The following ROBO1 variants were observed in gnomAD, a reference collection of about 807,000 sequenced individuals.
The protein encoded by ROBO1 is roundabout guidance receptor 1.
ROBO1 carries 149 observed loss-of-function variants against 195.9 expected under a neutral mutation model. The observed-to-expected ratio is 0.76, with a 90% CI of 0.67 to 0.87. ROBO1 has a LOEUF of 0.87. ROBO1 is among the 40% of genes least tolerant of loss of function. The pLI is 0.00. For missense variants in ROBO1, 1,933 were observed against 2,068.3 expected, an observed-to-expected ratio of 0.93 and a Z score of 1.27; for synonymous variants, 816 against 733.2, an observed-to-expected ratio of 1.11 and a Z score of -1.82.
intron 4 of ROBO1, among the ~76,000 whole-genome samples, chr3:78,821,161 A>ATTTTTT (rs71631622): frequency 1.6e-5 from 2 of 122,202 alleles, no homozygotes; most frequent in Non-Finnish European, 3.4e-5. Flanking sequence ...TATGATACTG[A>ATTTTTT]TTTTTTTTTT....
intron 8 of ROBO1, among the ~76,000 whole-genome samples, chr3:78,700,999 G>T (rs1370088554): frequency 6.6e-6 from 1 of 152,036 alleles, no homozygotes; most frequent in Non-Finnish European, 1.5e-5. Flanking sequence ...GGTAACCTCG[G>T]GTGATCCACC....
chr3:79,585,143 A>C (rs1431077769), intron 2 of ROBO1, among the ~76,000 whole-genome samples: 3 of 150,724 alleles, frequency 2.0e-5, no homozygotes, highest in Non-Finnish European at 4.4e-5. Context: ...AAAGGGGCCC[A>C]TAAAGGCAAA....
chr3:78,829,999 A>G (rs1222776879), intron 4 of ROBO1, among the ~76,000 whole-genome samples: 5 of 152,190 alleles, frequency 3.3e-5, no homozygotes, highest in African/African-American at 1.2e-4. Context: ...CCCAATTTAT[A>G]TAGCCGTAAT....
Position 79,317,636 on chromosome 3 carries a change from C to T in ROBO1, c.89-192097G>A, listed in dbSNP as rs150040797. On this transcript the variant is annotated intron_variant, in intron 2 of 30. Coordinates refer to ENST00000464233, the MANE Select transcript of ROBO1 (RefSeq NM_002941.4). ...TTACCGTGTATCTTGATTATAACGT[C>T]TAATGTTAGCTGGACCTAGATCATA... Among the ~76,000 whole-genome samples the T allele has an allele frequency of 3.5e-4, 53 of 152,196 alleles. No homozygotes were observed. The East Asian group carries it at 4.2e-3, about 12-fold the overall frequency.
At chr3:79,002,881 C>G (rs1036574348) in intron 3 of ROBO1, among the ~76,000 whole-genome samples, 1 of 152,154 alleles carries the variant, frequency 6.6e-6, no homozygotes, top group Middle Eastern at 3.4e-3. Flanking sequence ...CACTGTATTG[C>G]TCCAGGACTC....
intron 9 of ROBO1, among the ~76,000 whole-genome samples, chr3:78,686,672 C>A (rs571018306): frequency 6.6e-6 from 1 of 151,860 alleles, no homozygotes; most frequent in Non-Finnish European, 1.5e-5. Flanking sequence ...AATATTAAGA[C>A]CTTTAATATA....
chr3:78,814,305 T>C (rs961976183), intron 4 of ROBO1, among the ~76,000 whole-genome samples: 4 of 152,092 alleles, frequency 2.6e-5, no homozygotes, highest in African/African-American at 9.6e-5. Flanking sequence ...GAAATTAATT[T>C]TATATATTTT....
chr3:79,383,642 A>C (rs2036643280), intron 2 of ROBO1, among the ~76,000 whole-genome samples: 1 of 152,114 alleles, frequency 6.6e-6, no homozygotes, highest in Admixed American at 6.6e-5. Flanking sequence ...CCCAGAAAGT[A>C]ACGTTTTTTA....
At chr3:79,087,884 T>C (rs1349301118) in intron 3 of ROBO1, among the ~76,000 whole-genome samples, 1 of 152,132 alleles carries the variant, frequency 6.6e-6, no homozygotes, top group Non-Finnish European at 1.5e-5. Flanking sequence ...GAAACACGTC[T>C]TTCTAAAGAC....
intron 2 of ROBO1, among the ~76,000 whole-genome samples, chr3:79,378,804 G>A (rs1252097101): frequency 1.3e-5 from 2 of 152,148 alleles, no homozygotes; most frequent in Non-Finnish European, 2.9e-5. Flanking sequence ...ACATCATATA[G>A]CATGATGCTT....
rs114208448 is a variant in ROBO1, at chr3:78,877,248, G to T, written c.499+61353C>A. ...AATAAATGAAAAAGAACATAGAAAA[G>T]AAATTATTGTGGAGCATTTTAAGAC... On this transcript the variant is annotated intron_variant, in intron 4 of 30. Transcript: ENST00000464233. Among the ~76,000 whole-genome samples, 1,278 of 152,136 alleles carry T rather than the reference G, an allele frequency of 8.4e-3. 17 individuals are homozygous for T. The highest frequency in any genetic ancestry group is 0.029 in the African/African-American group (1,210 of 41,508).
At position 79,125,307 on chromosome 3, in the gene ROBO1, T is replaced by C. The variant is rs1014114144; in HGVS notation, c.172+149A>G. The C allele has an allele frequency of 1.0e-5, 7 of 669,108 alleles. 1 individual carries two copies. Among genetic ancestry groups the C allele is most frequent in the South Asian group, 8.9e-5 (5 of 56,286 alleles). The allele number at this position is 669,108 out of a possible 1,614,324, so 41.4% of individuals were successfully genotyped here. A position where few individuals can be genotyped will look rare whatever the true frequency, so the allele number is the denominator to read the frequency against. On this transcript the variant is annotated intron_variant, in intron 3 of 30. Transcript: ENST00000464233. Reference sequence around the variant, plus strand: ...TGTTTACTTTAGCAATATGATCTGATATGAACAGAATGAAGTTTGAAAAAT... The same window carrying C: ...TGTTTACTTTAGCAATATGATCTGACATGAACAGAATGAAGTTTGAAAAAT...
chr3:79,761,443 T>C (rs1704693916), intron 1 of ROBO1, among the ~76,000 whole-genome samples: 1 of 152,044 alleles, frequency 6.6e-6, no homozygotes. Context: ...TCTGGAAGAG[T>C]ACCCAGAAAA....
intron 2 of ROBO1, among the ~76,000 whole-genome samples, chr3:79,406,272 A>T (rs1479984128): frequency 6.6e-6 from 1 of 151,720 alleles, no homozygotes; most frequent in Non-Finnish European, 1.5e-5. Context: ...ATCTCTAAAA[A>T]AAAAAGTTAA....
At chr3:79,309,664 C>T (rs1011493610) in intron 2 of ROBO1, among the ~76,000 whole-genome samples, 1 of 151,774 alleles carries the variant, frequency 6.6e-6, no homozygotes, top group Non-Finnish European at 1.5e-5. Flanking sequence ...TAAAGAGGGC[C>T]TAATTGTGAA....
At chr3:78,909,952 G>A (rs572369383) in intron 4 of ROBO1, among the ~76,000 whole-genome samples, 5 of 151,772 alleles carry the variant, frequency 3.3e-5, no homozygotes, top group Admixed American at 3.3e-4. Flanking sequence ...CAATGATGCT[G>A]TAATAAAAGA....
At chr3:79,128,310 C>T (rs1445321966) in intron 2 of ROBO1, among the ~76,000 whole-genome samples, 3 of 152,110 alleles carry the variant, frequency 2.0e-5, no homozygotes, top group African/African-American at 2.4e-5. Flanking sequence ...ACTAGAGGTG[C>T]TGGGTTTTAT....
At chr3:78,987,246 A>T (rs74352189) in intron 3 of ROBO1, among the ~76,000 whole-genome samples, 3,341 of 151,980 alleles carry the variant, frequency 0.022, 109 homozygotes, top group African/African-American at 0.07. Flanking sequence ...AGTTTTTTTT[A>T]AAATAAGTAT....
chr3:78,941,097 A>G (rs1001453414), intron 3 of ROBO1, among the ~76,000 whole-genome samples: 3 of 152,258 alleles, frequency 2.0e-5, no homozygotes, highest in African/African-American at 7.2e-5. Flanking sequence ...TTAGTGAAAT[A>G]TATTAATGAA....
Sources: gnomAD v4.1 joint callset for allele counts (sites outside exome capture counted in the v4.1 genomes callset) on GRCh38, gnomAD v4.1.1 for gene constraint, MANE v1.5 for transcripts, NCBI Gene and HGNC (gene_info 2026-07-23, HGNC 2026-07-21) for gene names.